SLC35F1: variants seen among roughly 807,000 people sequenced by gnomAD.
SLC35F1 encodes the protein chromosome 6 open reading frame 169.
A neutral mutation model predicts 48.7 loss-of-function variants in SLC35F1; 14 were observed. The observed-to-expected ratio is 0.29, with a 90% CI of 0.19 to 0.45. The LOEUF (loss-of-function observed/expected upper bound fraction) is 0.45. Among genes scored for constraint, SLC35F1 ranks in the 20% least tolerant of loss-of-function variants. SLC35F1 has a pLI of 1.00. For missense variants in SLC35F1, 404 were observed against 500.0 expected (o/e 0.81, Z 1.83); for synonymous variants, 190 against 202.2 (o/e 0.94, Z 0.51).
At chr6:118,252,262 G>A (rs983876241) in intron 3 of SLC35F1, among the ~76,000 whole-genome samples, 2 of 152,126 alleles carry the variant, frequency 1.3e-5, no homozygotes, top group Non-Finnish European at 2.9e-5. Flanking sequence ...GCCACTAAGT[G>A]CATGATGATC....
At position 118,070,465 on chromosome 6, in the gene SLC35F1, G is replaced by A. The variant is rs1174045955; in HGVS notation, c.174-83980G>A. 2.0e-5 allele frequency among the ~76,000 whole-genome samples: 3 copies of A among 151,980 alleles called. No individual in the cohort carries two copies. The East Asian group carries it at 5.8e-4, about 29-fold the overall frequency. ...ACTCTTGAATAGGACTTAAACACAT[G>A]AACTATATAAATCTGATAAAAAGTA... On this transcript the variant is annotated intron_variant, in intron 1 of 7. Coordinates refer to ENST00000360388, the MANE Select transcript of SLC35F1 (RefSeq NM_001029858.4).
At chr6:118,151,555 C>A (rs1436531040) in intron 1 of SLC35F1, among the ~76,000 whole-genome samples, 1 of 152,146 alleles carries the variant, frequency 6.6e-6, no homozygotes, top group African/African-American at 2.4e-5. Context: ...TGCTCTGTAG[C>A]CCAGGCTTGA....
At chr6:117,930,897 T>C (rs1402312747) in intron 1 of SLC35F1, among the ~76,000 whole-genome samples, 1 of 152,170 alleles carries the variant, frequency 6.6e-6, no homozygotes. Flanking sequence ...TCCAGTGTAA[T>C]TTCCGGAAGG....
At chr6:118,305,609 C>G (rs1776303226) in intron 7 of SLC35F1, among the ~76,000 whole-genome samples, 1 of 152,178 alleles carries the variant, frequency 6.6e-6, no homozygotes, top group African/African-American at 2.4e-5. Context: ...GCCTTACAAG[C>G]AGATGCAAAG....
chr6:118,001,184 A>G (rs1004844920), intron 1 of SLC35F1, among the ~76,000 whole-genome samples: 48 of 152,208 alleles, frequency 3.2e-4, no homozygotes, highest in Non-Finnish European at 6.2e-4. Flanking sequence ...GCATCACACT[A>G]CCTGACTTCA....
Position 118,212,727 on chromosome 6 carries a change from AAAGGAAGGAAGGAAGGAAGG to A in SLC35F1, c.350-22735_350-22716del, listed in dbSNP as rs755835187. On this transcript the variant is annotated intron_variant, in intron 2 of 7. Coordinates refer to ENST00000360388, the MANE Select transcript of SLC35F1 (RefSeq NM_001029858.4). ...AAAGAAGGAAAGGAAGGAAGGAAGG[AAAGGAAGGAAGGAAGGAAGG>A]AAGGAAGGAAGGAAGGAAGGAAGGA... Among the ~76,000 whole-genome samples the A allele has an allele frequency of 2.2e-3, 202 of 93,718 alleles. 4 individuals are homozygous for A. The highest frequency in any genetic ancestry group is 3.6e-3 in the African/African-American group (86 of 23,918). 61.5% of individuals were successfully genotyped at this position (93,718 alleles called of 152,430 possible). A position where few individuals can be genotyped will look rare whatever the true frequency, so the allele number is the denominator to read the frequency against.
chr6:117,916,444 T>A (rs1775826837), intron 1 of SLC35F1, among the ~76,000 whole-genome samples: 1 of 152,148 alleles, frequency 6.6e-6, no homozygotes, highest in African/African-American at 2.4e-5. Context: ...GTGCATCTAA[T>A]CATGGATGGG....
At chr6:118,219,761 A>G (rs1328079668) in intron 2 of SLC35F1, among the ~76,000 whole-genome samples, 1 of 152,218 alleles carries the variant, frequency 6.6e-6, no homozygotes, top group Non-Finnish European at 1.5e-5. Context: ...AAGACTTGGA[A>G]CCAACCCAAA....
chr6:118,110,309 A>T (rs887310952), intron 1 of SLC35F1, among the ~76,000 whole-genome samples: 1 of 152,208 alleles, frequency 6.6e-6, no homozygotes, highest in African/African-American at 2.4e-5. Context: ...CTATACACAG[A>T]GAACCAAAGC....
In SLC35F1 at chr6:118,314,270, C is replaced by A; in HGVS notation, c.*18C>A. 6.2e-7 allele frequency: 1 copy of A among 1,605,062 alleles called. No homozygotes were observed. ...TGGCCTAGGGTGAGGCCCGCCCTGC[C>A]AACTGAGGCCAACTCATTGGCCATG... On this transcript the variant is annotated 3_prime_UTR_variant, in exon 8 of 8. Transcript: ENST00000360388.
intron 2 of SLC35F1, among the ~76,000 whole-genome samples, chr6:118,204,590 C>A (rs1774911178): frequency 6.6e-6 from 1 of 152,168 alleles, no homozygotes; most frequent in South Asian, 2.1e-4. Context: ...GACTTACCTA[C>A]TGAACAGAGG....
At chr6:118,186,398 A>C (rs1290893355) in intron 2 of SLC35F1, among the ~76,000 whole-genome samples, 1 of 143,980 alleles carries the variant, frequency 6.9e-6, no homozygotes, top group African/African-American at 2.6e-5. Flanking sequence ...AATGTTTCTC[A>C]GGTGCACAGT....
intron 1 of SLC35F1, among the ~76,000 whole-genome samples, chr6:118,012,563 C>T (rs947633644): frequency 6.6e-6 from 1 of 152,156 alleles, no homozygotes; most frequent in African/African-American, 2.4e-5. Context: ...CATATTTATG[C>T]TTGCTAACTT....
rs538908253 is a variant in SLC35F1 at position 118,211,200 on chromosome 6, A to G, written c.350-24309A>G. ...AAAATTAAATTTCATTGCTTAAACCATCTAGTCTGTGGTACTTTGGTATGG... is the reference window on the plus strand; with the variant it reads ...AAAATTAAATTTCATTGCTTAAACCGTCTAGTCTGTGGTACTTTGGTATGG... On this transcript the variant is annotated intron_variant, in intron 2 of 7. Coordinates refer to ENST00000360388, the MANE Select transcript of SLC35F1 (RefSeq NM_001029858.4). Among the ~76,000 whole-genome samples, 5 of 152,296 alleles carry G rather than the reference A, an allele frequency of 3.3e-5. No individual in the cohort carries two copies. In the South Asian group the frequency reaches 8.3e-4, roughly 25 times the overall value.
chr6:118,220,760 T>C (rs897671801), intron 2 of SLC35F1, among the ~76,000 whole-genome samples: 2 of 152,238 alleles, frequency 1.3e-5, no homozygotes, highest in African/African-American at 4.8e-5. Flanking sequence ...AGAAATCTGA[T>C]GTAGTCAAGA....
intron 7 of SLC35F1, among the ~76,000 whole-genome samples, chr6:118,307,541 T>A (rs1776325756): frequency 1.3e-5 from 2 of 152,168 alleles, no homozygotes; most frequent in Admixed American, 6.5e-5. Flanking sequence ...TTTGAAAGTA[T>A]CTGAAAAAGC....
At chr6:117,990,934 C>A (rs1776911735) in intron 1 of SLC35F1, among the ~76,000 whole-genome samples, 1 of 152,028 alleles carries the variant, frequency 6.6e-6, no homozygotes, top group African/African-American at 2.4e-5. Context: ...GAGATTTGTT[C>A]AACTTTTGAG....
chr6:118,187,106 C>T (rs1774667657), intron 2 of SLC35F1, among the ~76,000 whole-genome samples: 1 of 152,184 alleles, frequency 6.6e-6, no homozygotes, highest in Non-Finnish European at 1.5e-5. Context: ...GATTTGTTCA[C>T]TACCCCATGC....
At chr6:117,999,723 G>T (rs1467130790) in intron 1 of SLC35F1, among the ~76,000 whole-genome samples, 3 of 151,924 alleles carry the variant, frequency 2.0e-5, no homozygotes, top group Non-Finnish European at 4.4e-5. Flanking sequence ...AAGAAGAAAA[G>T]AGAGAAGAAT....
Sources: gnomAD v4.1 joint callset for allele counts (sites outside exome capture counted in the v4.1 genomes callset) on GRCh38, gnomAD v4.1.1 for gene constraint, MANE v1.5 for transcripts, NCBI Gene and HGNC (gene_info 2026-07-23, HGNC 2026-07-21) for gene names.